CFH: variants seen among roughly 807,000 people sequenced by gnomAD.
CFH encodes the protein complement factor H, also known as H factor 1 (complement).
In CFH, 53 loss-of-function variants were observed where a neutral mutation model predicts 147.3. The ratio of observed to expected loss-of-function variants is 0.36; its 90% CI spans 0.29 to 0.45. The LOEUF is 0.45. Ranked by LOEUF, CFH falls within the 20% of genes least tolerant of loss-of-function variation. CFH has a pLI of 1.00. For missense variants in CFH, 1,380 were observed against 1,498.0 expected (o/e 0.92, Z 1.30); for synonymous variants, 536 against 489.4 (o/e 1.10, Z -1.26).
intron 15 of CFH, among the ~76,000 whole-genome samples, chr1:196,734,804 G>T (rs980992812): frequency 6.6e-6 from 1 of 151,778 alleles, no homozygotes; most frequent in Non-Finnish European, 1.5e-5. Context: ...AAAACCAATT[G>T]TAATGCCTTT....
At chr1:196,710,222 G>A (rs1668693710) in intron 9 of CFH, among the ~76,000 whole-genome samples, 1 of 152,074 alleles carries the variant, frequency 6.6e-6, no homozygotes, top group Non-Finnish European at 1.5e-5. Flanking sequence ...CTTGCACATA[G>A]CCCCTTCTCA....
chr1:196,670,182 T>C (rs1573005794), intron 1 of CFH, among the ~76,000 whole-genome samples: 1 of 152,316 alleles, frequency 6.6e-6, no homozygotes, highest in East Asian at 1.9e-4. Context: ...AATTTTCTTT[T>C]GATTTTACAA....
intron 9 of CFH, among the ~76,000 whole-genome samples, chr1:196,707,650 A>G (rs1668623955): frequency 6.6e-6 from 1 of 152,200 alleles, no homozygotes; most frequent in South Asian, 2.1e-4. Flanking sequence ...TTCTTGTCCT[A>G]TCAAGAAATG....
At chr1:196,675,955 T>G (rs773951949) in intron 3 of CFH, 34 bp from the exon 4 acceptor site, 1 of 1,416,690 alleles carries the variant, frequency 7.1e-7, no homozygotes, top group Non-Finnish European at 1.0e-6. Context: ...TAAACACACA[T>G]TATGTCAACG....
chr1:196,669,909 G>C (rs955524716), intron 1 of CFH, among the ~76,000 whole-genome samples: 1 of 152,202 alleles, frequency 6.6e-6, no homozygotes, highest in African/African-American at 2.4e-5. Context: ...AGTGAAAGTA[G>C]CCAGGGCAGG....
Position 196,736,866 on chromosome 1 carries a change from A to G in CFH, c.2456A>G (p.Asn819Ser), listed in dbSNP as rs781393769. Reference protein sequence around the residue: ...QLCPPPPQIPNSHNMTTTLNY... With the variant: ...QLCPPPPQIPSSHNMTTTLNY... ...TGCCCACCTCCACCTCAGATTCCCA[A>G]TTCTCACAATATGACAACCACACTG... is the stretch of plus-strand genomic sequence containing the variant. Residue 819 changes from asparagine to serine, a missense_variant, in exon 16 of 22, where the codon AAT becomes AGT. Asn to Ser is a conservative substitution (Grantham distance 46). Around this residue, in one of 4 missense-constraint regions of CFH, gnomAD observed 830 missense variants for 821.4 expected, o/e 1.01. Transcript: ENST00000367429. 2.0e-5 allele frequency: 31 copies of G among 1,578,352 alleles called. No individual in the cohort carries two copies. The highest frequency in any genetic ancestry group is 2.4e-5 in the Non-Finnish European group (28 of 1,160,688).
chr1:196,693,955 G>GGT (rs71567586), intron 9 of CFH, among the ~76,000 whole-genome samples: 27,692 of 142,538 alleles, frequency 0.19, 2,815 homozygotes, highest in East Asian at 0.3. Context: ...TTAGATAAAT[G>GGT]GTGTGTGTGT....
chr1:196,670,491 T>C (rs1258846256), intron 1 of CFH, among the ~76,000 whole-genome samples: 1 of 152,144 alleles, frequency 6.6e-6, no homozygotes, highest in Non-Finnish European at 1.5e-5. Context: ...CTCGTGATAG[T>C]GAATGAGTTC....
chr1:196,746,121 A>C, intron 21 of CFH, 122 bp downstream of exon 21: 1 of 1,554,444 alleles, frequency 6.4e-7, no homozygotes, highest in Non-Finnish European at 8.8e-7. Flanking sequence ...TGCCTACCAA[A>C]TATTTCTGTC....
chr1:196,679,663 T>C lies in CFH; in HGVS notation c.660T>C (p.Pro220=). 1 of 1,607,466 alleles carries C rather than the reference T, an allele frequency of 6.2e-7. No individual in the cohort carries two copies. Among genetic ancestry groups the C allele is most frequent in the South Asian group, 1.1e-5 (1 of 90,818 alleles). The change falls in exon 6 of 22, where the codon CCT becomes CCC. Residue 220 remains proline (P), a synonymous_variant. Coordinates refer to ENST00000367429, the MANE Select transcript of CFH (RefSeq NM_000186.4). ...CCCCAGATGTTATAAATGGATCTCC[T>C]ATATCTCAGAAGATTATTTATAAGG... The part of the protein sequence containing the change: ...CKSPDVINGS[P]ISQKIIYKEN...
Position 196,728,358 on chromosome 1 carries a change from T to G in CFH, c.2249T>G (p.Leu750Arg), listed in dbSNP as rs1157868396. The change falls in exon 15 of 22, where the codon CTT becomes CGT. Residue 750 changes from leucine (L) to arginine (R), a missense_variant. By Grantham distance (102) the Leu-to-Arg change is moderately radical. Coordinates refer to ENST00000367429, the MANE Select transcript of CFH (RefSeq NM_000186.4). ...ATTTATTTTATAGCAATAGATAAAC[T>G]TAAGAAGTGCAAATCATCAAATTTA... is the stretch of plus-strand genomic sequence containing the variant. ...QLPQCVAIDK[L>R]KKCKSSNLII... 8 of 1,521,764 alleles carry G rather than the reference T, an allele frequency of 5.3e-6. No homozygotes were observed. Among genetic ancestry groups the G allele is most frequent in the African/African-American group, 1.4e-5 (1 of 71,452 alleles). The allele number at this position is 1,521,764 out of a possible 1,614,324, so 94.3% of individuals were successfully genotyped here. A position where few individuals can be genotyped will look rare whatever the true frequency, so the allele number is the denominator to read the frequency against.
intron 9 of CFH, among the ~76,000 whole-genome samples, chr1:196,698,277 T>C (rs1411176449): frequency 1.3e-5 from 2 of 152,104 alleles, no homozygotes; most frequent in African/African-American, 4.8e-5. Context: ...AAAAAATCAA[T>C]GCACCCAGGA....
At chr1:196,691,791 T>G (rs1668033097) in intron 9 of CFH, among the ~76,000 whole-genome samples, 1 of 151,998 alleles carries the variant, frequency 6.6e-6, no homozygotes, top group African/African-American at 2.4e-5. Flanking sequence ...ATGATGAATG[T>G]TTCTTGTTTC....
At chr1:196,712,091 G>A (rs1043373307) in intron 9 of CFH, among the ~76,000 whole-genome samples, 4 of 152,062 alleles carry the variant, frequency 2.6e-5, no homozygotes, top group African/African-American at 7.2e-5. Context: ...CCAGCATAAA[G>A]TCACTTTGAT....
At position 196,736,898 on chromosome 1, in the gene CFH, C is replaced by T. The variant is rs62641696; in HGVS notation, c.2488C>T (p.Arg830Trp). 8.8e-5 allele frequency: 141 copies of T among 1,609,628 alleles called. No homozygotes were observed. Among genetic ancestry groups the T allele is most frequent in the Middle Eastern group, 1.6e-4 (1 of 6,068 alleles). The change falls in exon 16 of 22, where the codon CGG becomes TGG. Residue 830 changes from arginine to tryptophan, a missense_variant. By Grantham distance (101) the Arg-to-Trp change is moderately radical (BLOSUM62 -3). Around this residue, in one of 4 missense-constraint regions of CFH, gnomAD observed 830 missense variants for 821.4 expected, o/e 1.01. Transcript: ENST00000367429. Reference protein sequence around the residue: ...SHNMTTTLNYRDGEKVSVLCQ... With the variant: ...SHNMTTTLNYWDGEKVSVLCQ... ...CAATATGACAACCACACTGAATTAT[C>T]GGGATGGAGAAAAAGTATCTGTTCT...
At chr1:196,719,821 A>G (rs890411106) in intron 11 of CFH, among the ~76,000 whole-genome samples, 7 of 151,770 alleles carry the variant, frequency 4.6e-5, no homozygotes, top group South Asian at 4.1e-4. Flanking sequence ...TTATATGTTA[A>G]CATAAATATT....
At chr1:196,739,331 A>G (rs1418907542) in intron 17 of CFH, among the ~76,000 whole-genome samples, 1 of 152,120 alleles carries the variant, frequency 6.6e-6, no homozygotes, top group Non-Finnish European at 1.5e-5. Flanking sequence ...ATGAAGTTTT[A>G]TTTTCTATTG....
At chr1:196,741,472 G>T in intron 18 of CFH, 1 of 246,020 alleles carries the variant, frequency 4.1e-6, no homozygotes, top group Non-Finnish European at 8.0e-6. Flanking sequence ...AACAGCATGT[G>T]GGAAACTGCC....
chr1:196,677,787 T>C lies in CFH; in HGVS notation c.619+120T>C, dbSNP rs1020065665. On this transcript the variant is annotated intron_variant, in intron 5 of 21. Transcript: ENST00000367429. The stretch of plus-strand genomic sequence containing the variant: ...CAATAGCTAATGTTTATTGAGCACT[T>C]ACTATCTGCCTGTAATTGAGCTAAG... The C allele has an allele frequency of 4.9e-5, 46 of 947,560 alleles. No individual in the cohort carries two copies. The African/African-American group carries it at 6.7e-4, about 14-fold the overall frequency. The allele number at this position is 947,560 out of a possible 1,614,324, so 58.7% of individuals were successfully genotyped here. A position where few individuals can be genotyped will look rare whatever the true frequency, so the allele number is the denominator to read the frequency against.
Sources: allele counts gnomAD v4.1 joint callset (sites outside exome capture counted in the v4.1 genomes callset), GRCh38; gene constraint gnomAD v4.1.1; regional missense constraint gnomAD v4.1.1; transcripts MANE v1.5; gene names NCBI Gene and HGNC (gene_info 2026-07-23, HGNC 2026-07-21).